Variants in LRP1B observed in about 807,000 individuals in gnomAD.
The protein encoded by LRP1B is LDL receptor related protein 1B.
Under a neutral mutation model 556.6 loss-of-function variants are expected in LRP1B, and 217 were observed. That is an observed-to-expected ratio of 0.39 (90% CI 0.35 to 0.44). The LOEUF is 0.44. Ranked by LOEUF, LRP1B falls within the 20% of genes least tolerant of loss-of-function variation. The pLI is 1.00. For synonymous variants in LRP1B, 2,047 were observed against 1,865.8 expected (o/e 1.10, Z -2.50); for missense variants, 5,053 against 5,620.8 (o/e 0.90, Z 3.23).
intron 1 of LRP1B, among the ~76,000 whole-genome samples, chr2:142,025,619 C>G (rs1433120595): frequency 6.6e-6 from 1 of 152,064 alleles, no homozygotes; most frequent in Non-Finnish European, 1.5e-5. Context: ...AAAGCTTTAT[C>G]CAAGATGGGT....
At chr2:140,992,662 GTAA>G (rs1286882798) in intron 16 of LRP1B, 1 of 151,946 alleles carries the variant, frequency 6.6e-6, no homozygotes, top group African/African-American at 2.4e-5. Context: ...AGTCTTAAAA[GTAA>G]TAATAAATAA....
In LRP1B at chr2:140,238,146, T is replaced by C. The variant is rs774070590; in HGVS notation, c.13560+6A>G. Reference sequence around the variant, plus strand: ...GCTCACTGCCCATTATCTTAAGACATACTACCTTTGTTGGGTCTATCATAA... The same window carrying C: ...GCTCACTGCCCATTATCTTAAGACACACTACCTTTGTTGGGTCTATCATAA... On this transcript the variant is annotated splice_donor_region_variant and intron_variant, in intron 89 of 90. Coordinates refer to ENST00000389484, the MANE Select transcript of LRP1B (RefSeq NM_018557.3). 3.1e-6 allele frequency: 5 copies of C among 1,597,198 alleles called. No homozygotes were observed. In the East Asian group the frequency reaches 1.1e-4, roughly 36 times the overall value.
intron 1 of LRP1B, among the ~76,000 whole-genome samples, chr2:142,064,740 T>C (rs945098441): frequency 2.0e-5 from 3 of 151,586 alleles, no homozygotes; most frequent in African/African-American, 4.8e-5. Context: ...GAATATACAC[T>C]AAAACTATCT....
intron 80 of LRP1B, among the ~76,000 whole-genome samples, chr2:140,325,524 G>T (rs1680427468): frequency 6.6e-6 from 1 of 152,070 alleles, no homozygotes; most frequent in Non-Finnish European, 1.5e-5. Context: ...ATTATTTTCT[G>T]AATCTGGGCA....
intron 1 of LRP1B, among the ~76,000 whole-genome samples, chr2:142,055,391 C>A (rs1574638272): frequency 6.6e-6 from 1 of 152,018 alleles, no homozygotes; most frequent in African/African-American, 2.4e-5. Flanking sequence ...TTACTAACTT[C>A]AGAAGACTAT....
rs115135177 is a variant in LRP1B at position 140,485,184 on chromosome 2, G to A, written c.9425+159C>T. 5.2e-3 allele frequency among the ~76,000 whole-genome samples: 793 copies of A among 151,894 alleles called. 7 individuals carry two copies. The highest frequency in any genetic ancestry group is 0.018 in the African/African-American group (735 of 41,446). ...TCATCTTAATTTTATTCCTTTCATT[G>A]TGATAATCACATTACTGTTTTTTTC... On this transcript the variant is annotated intron_variant, in intron 59 of 90. Coordinates refer to ENST00000389484, the MANE Select transcript of LRP1B (RefSeq NM_018557.3).
At chr2:140,455,501 T>G (rs529556444) in intron 62 of LRP1B, among the ~76,000 whole-genome samples, 8 of 152,182 alleles carry the variant, frequency 5.3e-5, no homozygotes, top group Non-Finnish European at 1.2e-4. Flanking sequence ...ACAAACTCAA[T>G]TTAAAGCTGA....
At chr2:141,266,560 G>C (rs1270307242) in intron 3 of LRP1B, among the ~76,000 whole-genome samples, 1 of 152,030 alleles carries the variant, frequency 6.6e-6, no homozygotes, top group Non-Finnish European at 1.5e-5. Flanking sequence ...CCACATCAAT[G>C]CTAAGAGAAT....
At chr2:141,955,807 G>C (rs1266490920) in intron 1 of LRP1B, among the ~76,000 whole-genome samples, 2 of 152,044 alleles carry the variant, frequency 1.3e-5, no homozygotes, top group Non-Finnish European at 2.9e-5. Flanking sequence ...CCAGTCTAGA[G>C]CTAGTAGTGA....
chr2:140,634,847 C>G (rs565722585), intron 41 of LRP1B, among the ~76,000 whole-genome samples: 1 of 151,820 alleles, frequency 6.6e-6, no homozygotes, highest in Admixed American at 6.6e-5. Context: ...CTGAGAGACA[C>G]GACAACTAAA....
At chr2:141,349,746 A>G (rs2683823) in intron 3 of LRP1B, among the ~76,000 whole-genome samples, 86,733 of 151,396 alleles carry the variant, frequency 0.57, 25,540 homozygotes, top group Middle Eastern at 0.63. Flanking sequence ...ACATTCTGGG[A>G]CAGGAGTTGG....
rs2105389759 is a variant in LRP1B at position 141,015,895 on chromosome 2, C to A, written c.1991G>T (p.Trp664Leu). 2 of 1,613,348 alleles carry A rather than the reference C, an allele frequency of 1.2e-6. No homozygotes were observed. The highest frequency in any genetic ancestry group is 1.7e-6 in the Non-Finnish European group (2 of 1,179,556). The change falls in exon 13 of 91, where the codon TGG becomes TTG. Residue 664 changes from tryptophan to leucine, a missense_variant. By Grantham distance (61) the Trp-to-Leu change is moderately conservative. Around this residue, in one of 5 missense-constraint regions of LRP1B, gnomAD observed 3,619 missense variants for 3,931.9 expected, o/e 0.92. Transcript: ENST00000389484. ...GCTGTCATCTATTTCATCTTCCTCCCAGTCTGTCCAATACATCCAACTAAG... is the reference window on the plus strand; with the variant it reads ...GCTGTCATCTATTTCATCTTCCTCCAAGTCTGTCCAATACATCCAACTAAG... ...PVNGWMYWTD[W>L]EEDEIDDSVG...
intron 35 of LRP1B, among the ~76,000 whole-genome samples, chr2:140,734,153 G>A (rs141299072): frequency 1.1e-4 from 17 of 152,302 alleles, no homozygotes; most frequent in African/African-American, 3.4e-4. Flanking sequence ...TCCTATCATA[G>A]TGAACACACA....
chr2:141,313,846 C>T (rs1418359751), intron 3 of LRP1B, among the ~76,000 whole-genome samples: 2 of 151,496 alleles, frequency 1.3e-5, no homozygotes, highest in Admixed American at 6.6e-5. Flanking sequence ...CAGTGTCTTC[C>T]TTAATCCACA....
At chr2:140,315,575 C>T (rs79548714) in intron 82 of LRP1B, among the ~76,000 whole-genome samples, 3,118 of 152,060 alleles carry the variant, frequency 0.021, 41 homozygotes, top group African/African-American at 0.029. Flanking sequence ...CCACACGTGG[C>T]CAATTTTTAA....
intron 6 of LRP1B, among the ~76,000 whole-genome samples, chr2:141,205,270 A>G (rs1682222298): frequency 6.6e-6 from 1 of 152,190 alleles, no homozygotes; most frequent in South Asian, 2.1e-4. Context: ...TGAGTTCAAA[A>G]AAGAATTGAT....
intron 2 of LRP1B, among the ~76,000 whole-genome samples, chr2:141,523,113 C>T (rs921712991): frequency 1.3e-5 from 2 of 152,134 alleles, no homozygotes; most frequent in African/African-American, 2.4e-5. Context: ...AAAGCTAAAA[C>T]AGTTATTTTA....
intron 7 of LRP1B, among the ~76,000 whole-genome samples, chr2:141,115,931 C>T (rs945200140): frequency 2.0e-5 from 3 of 152,186 alleles, no homozygotes; most frequent in South Asian, 4.2e-4. Context: ...ATGAAAGCAT[C>T]GTAAGAGAAT....
intron 32 of LRP1B, among the ~76,000 whole-genome samples, chr2:140,788,618 A>T (rs1689995995): frequency 6.6e-6 from 1 of 152,228 alleles, no homozygotes; most frequent in Non-Finnish European, 1.5e-5. Flanking sequence ...TAAAAAAATT[A>T]ATCTTTATTT....
Sources: gnomAD v4.1 joint callset for allele counts (sites outside exome capture counted in the v4.1 genomes callset) on GRCh38, gnomAD v4.1.1 for gene constraint, gnomAD v4.1.1 regional missense constraint, MANE v1.5 for transcripts, NCBI Gene and HGNC (gene_info 2026-07-23, HGNC 2026-07-21) for gene names.